The following EEIG2 variants were observed in gnomAD, a reference collection of about 807,000 sequenced individuals.
EEIG2 encodes family with sequence similarity 102 member B.
chr1:108,634,968 C>T, the EEIG2 span: 58 of 698,914 alleles, frequency 8.3e-5, no homozygotes, highest in East Asian at 1.4e-3. Flanking sequence ...AGTTTCTATC[C>T]GTGATGCCTT....
chr1:108,613,717 A>T, the EEIG2 span, among the ~76,000 whole-genome samples: 2 of 152,056 alleles, frequency 1.3e-5, no homozygotes, highest in Non-Finnish European at 2.9e-5. Flanking sequence ...TCCATTGATG[A>T]CTTAGCTCCT....
At chr1:108,579,153 TA>T in the EEIG2 span, among the ~76,000 whole-genome samples, 1 of 117,082 alleles carries the variant, frequency 8.5e-6, no homozygotes, top group African/African-American at 3.2e-5. Context: ...GCAAGTTGGA[TA>T]AAAAGTCAAG....
At chr1:108,635,300 C>T in the EEIG2 span, 2 of 893,806 alleles carry the variant, frequency 2.2e-6, no homozygotes, top group East Asian at 2.7e-5. Context: ...GACCCACCGC[C>T]ATCCTGTACC....
chr1:108,610,362 G>C, the EEIG2 span, among the ~76,000 whole-genome samples: 2 of 152,302 alleles, frequency 1.3e-5, no homozygotes, highest in Admixed American at 6.5e-5. Flanking sequence ...GATGCAGGTA[G>C]GTGAGTGGAT....
chr1:108,608,468 A>C, the EEIG2 span, among the ~76,000 whole-genome samples: 3 of 152,264 alleles, frequency 2.0e-5, no homozygotes, highest in African/African-American at 4.8e-5. Context: ...GGACAAATAC[A>C]GCTAGTGTTT....
the EEIG2 span, chr1:108,606,134 T>C: frequency 6.2e-6 from 5 of 806,640 alleles, no homozygotes; most frequent in East Asian, 1.4e-4. Context: ...TGCCAGCATA[T>C]ATATGTCTGC....
At chr1:108,579,728 T>G in the EEIG2 span, among the ~76,000 whole-genome samples, 2 of 149,620 alleles carry the variant, frequency 1.3e-5, no homozygotes. Flanking sequence ...CTGTTTTTCC[T>G]TGTTTTTTTG....
chr1:108,581,802 A>T, the EEIG2 span, among the ~76,000 whole-genome samples: 4 of 152,352 alleles, frequency 2.6e-5, no homozygotes, highest in African/African-American at 9.6e-5. Context: ...TTAAACTCAC[A>T]GCAAAGGATT....
At chr1:108,569,843 T>C in the EEIG2 span, among the ~76,000 whole-genome samples, 2 of 152,180 alleles carry the variant, frequency 1.3e-5, no homozygotes, top group Non-Finnish European at 2.9e-5. Context: ...TCTAAATCAG[T>C]TATCTTCTCA....
the EEIG2 span, among the ~76,000 whole-genome samples, chr1:108,597,801 A>C: frequency 6.6e-6 from 1 of 152,110 alleles, no homozygotes; most frequent in Non-Finnish European, 1.5e-5. Flanking sequence ...TTTAACTATA[A>C]ATTTGTATAT....
the EEIG2 span, among the ~76,000 whole-genome samples, chr1:108,575,886 T>G: frequency 6.6e-6 from 1 of 151,626 alleles, no homozygotes; most frequent in Admixed American, 6.6e-5. Flanking sequence ...TAAAATTGAC[T>G]GGCGATAGTT....
At chr1:108,595,948 T>A in the EEIG2 span, among the ~76,000 whole-genome samples, 4 of 152,112 alleles carry the variant, frequency 2.6e-5, no homozygotes, top group Non-Finnish European at 5.9e-5. Flanking sequence ...GAAATATTAA[T>A]CTAGTTTAGT....
the EEIG2 span, among the ~76,000 whole-genome samples, chr1:108,607,563 C>T: frequency 6.6e-6 from 1 of 152,198 alleles, no homozygotes; most frequent in Non-Finnish European, 1.5e-5. Flanking sequence ...GTGGCTCATG[C>T]CTGTAATCCC....
the EEIG2 span, among the ~76,000 whole-genome samples, chr1:108,570,878 A>G: frequency 1.1e-3 from 171 of 152,292 alleles, no homozygotes; most frequent in Middle Eastern, 0.02. Context: ...GTGATGTTAA[A>G]GGAAGATATG....
chr1:108,580,369 AACCCT>A, the EEIG2 span, among the ~76,000 whole-genome samples: 123,361 of 151,616 alleles, frequency 0.81, 52,289 homozygotes, highest in Non-Finnish European at 0.94. Flanking sequence ...TAGGCTAATT[AACCCT>A]ACAATGGCCT....
At chr1:108,573,376 G>A in the EEIG2 span, among the ~76,000 whole-genome samples, 2 of 152,196 alleles carry the variant, frequency 1.3e-5, no homozygotes, top group Non-Finnish European at 2.9e-5. Flanking sequence ...GAGAAATAGA[G>A]TTTAGATTTC....
chr1:108,621,950 A>G, the EEIG2 span, among the ~76,000 whole-genome samples: 2 of 152,170 alleles, frequency 1.3e-5, no homozygotes, highest in African/African-American at 4.8e-5. Context: ...TGAGGCCAGG[A>G]ATTCAAGACC....
chr1:108,576,565 C>A, the EEIG2 span, among the ~76,000 whole-genome samples: 1 of 138,302 alleles, frequency 7.2e-6, no homozygotes, highest in Admixed American at 7.5e-5. Flanking sequence ...TTTGTTCTTG[C>A]AATAGTTTAC....
chr1:108,612,656 A>G, the EEIG2 span, among the ~76,000 whole-genome samples: 4 of 152,220 alleles, frequency 2.6e-5, no homozygotes, highest in Non-Finnish European at 5.9e-5. Context: ...AGGTACATAG[A>G]AGCCACTGTG....
Sources: gnomAD v4.1 joint callset for allele counts (sites outside exome capture counted in the v4.1 genomes callset) on GRCh38, gnomAD v4.1.1 for gene constraint, MANE v1.5 for transcripts, NCBI Gene and HGNC (gene_info 2026-07-23, HGNC 2026-07-21) for gene names.